PTPRM: variants seen among roughly 807,000 people sequenced by gnomAD.
The protein encoded by PTPRM is receptor-type tyrosine-protein phosphatase mu.
Under a neutral mutation model 186.7 loss-of-function variants are expected in PTPRM, and 47 were observed. That is an observed-to-expected ratio of 0.25 (90% CI 0.20 to 0.32). The LOEUF (loss-of-function observed/expected upper bound fraction) is 0.32. Ranked by LOEUF, PTPRM falls within the 10% of genes least tolerant of loss-of-function variation. The probability of loss-of-function intolerance (pLI) is 1.00; values close to 1 mark genes in which losing one functional copy is unlikely to be tolerated. For synonymous variants in PTPRM, 668 were observed against 674.9 expected (o/e 0.99, Z 0.16); for missense variants, 1,494 against 1,865.0 (o/e 0.80, Z 3.66).
At position 8,239,829 on chromosome 18, in the gene PTPRM, A is replaced by G. The variant is rs146621284; in HGVS notation, c.2301-4229A>G. ...CTAGAAACCACCAAGTCCTTTCTTTAAATTTTAATGATCTATTTATAGATA... is the reference window on the plus strand; with the variant it reads ...CTAGAAACCACCAAGTCCTTTCTTTGAATTTTAATGATCTATTTATAGATA... On this transcript the variant is annotated intron_variant, in intron 14 of 32. Coordinates refer to ENST00000580170, the MANE Select transcript of PTPRM (RefSeq NM_001105244.2). Among the ~76,000 whole-genome samples the G allele has an allele frequency of 8.0e-3, 1,220 of 152,336 alleles. 14 individuals carry two copies. The highest frequency in any genetic ancestry group is 0.028 in the African/African-American group (1,168 of 41,580).
chr18:7,625,326 C>T (rs893210021), intron 1 of PTPRM, among the ~76,000 whole-genome samples: 3 of 152,172 alleles, frequency 2.0e-5, no homozygotes, highest in African/African-American at 7.2e-5. Context: ...TTTCCCGACT[C>T]TTATCAAATT....
intron 7 of PTPRM, among the ~76,000 whole-genome samples, chr18:8,004,016 A>C (rs1182499555): frequency 6.6e-6 from 1 of 152,170 alleles, no homozygotes; most frequent in Non-Finnish European, 1.5e-5. Context: ...AGTGTTGACT[A>C]TGTGGAAATT....
chr18:7,750,815 G>A (rs1259402462), intron 1 of PTPRM, among the ~76,000 whole-genome samples: 2 of 152,012 alleles, frequency 1.3e-5, no homozygotes, highest in African/African-American at 4.8e-5. Flanking sequence ...CTCCCAATGC[G>A]GCTATGCATT....
chr18:7,866,520 G>A (rs987969320), intron 2 of PTPRM, among the ~76,000 whole-genome samples: 25 of 152,178 alleles, frequency 1.6e-4, no homozygotes, highest in Admixed American at 5.2e-4. Context: ...TTAATCCTAA[G>A]TTCTAATTTG....
rs1405566670 is a variant in PTPRM, at chr18:8,331,351, A to G, written c.2957-12072A>G. Among the ~76,000 whole-genome samples the G allele has an allele frequency of 3.9e-5, 6 of 152,200 alleles. No individual in the cohort carries two copies. The East Asian group carries it at 1.2e-3, about 29-fold the overall frequency. ...TAGATATCTCTTTGCTTTATGCAAC[A>G]TAGTCACAATCAGATCTCTTCAACT... is the stretch of plus-strand genomic sequence containing the variant. On this transcript the variant is annotated intron_variant, in intron 22 of 32. Coordinates refer to ENST00000580170, the MANE Select transcript of PTPRM (RefSeq NM_001105244.2).
At chr18:8,334,518 A>G (rs1398511713) in intron 22 of PTPRM, among the ~76,000 whole-genome samples, 1 of 152,180 alleles carries the variant, frequency 6.6e-6, no homozygotes, top group East Asian at 1.9e-4. Flanking sequence ...ACCTGCAGCC[A>G]CATTGCTGCT....
At chr18:8,071,904 G>T (rs2089501768) in intron 8 of PTPRM, among the ~76,000 whole-genome samples, 1 of 152,168 alleles carries the variant, frequency 6.6e-6, no homozygotes, top group Admixed American at 6.5e-5. Flanking sequence ...TCTGAGAAGT[G>T]AGAATAATAA....
chr18:8,105,866 G>A (rs908118158), intron 11 of PTPRM, among the ~76,000 whole-genome samples: 1 of 152,224 alleles, frequency 6.6e-6, no homozygotes, highest in Non-Finnish European at 1.5e-5. Flanking sequence ...TGGATATCCA[G>A]TGAAGTACTG....
chr18:8,311,906 G>A (rs1295511612), intron 20 of PTPRM, among the ~76,000 whole-genome samples: 1 of 152,118 alleles, frequency 6.6e-6, no homozygotes. Context: ...TAAATCACAG[G>A]GAATGAGCAG....
chr18:7,870,475 T>C (rs1159339988), intron 2 of PTPRM, among the ~76,000 whole-genome samples: 3 of 152,194 alleles, frequency 2.0e-5, no homozygotes, highest in African/African-American at 7.2e-5. Flanking sequence ...GTACAGGCTG[T>C]GAGTCAACTG....
intron 1 of PTPRM, among the ~76,000 whole-genome samples, chr18:7,584,628 C>T (rs2036930247): frequency 6.6e-6 from 1 of 151,892 alleles, no homozygotes; most frequent in South Asian, 2.1e-4. Context: ...TTCTGGGTAC[C>T]CCCACCCCAA....
At chr18:8,198,161 T>C (rs1221949296) in intron 14 of PTPRM, among the ~76,000 whole-genome samples, 1 of 152,194 alleles carries the variant, frequency 6.6e-6, no homozygotes, top group African/African-American at 2.4e-5. Flanking sequence ...TTTTCTTTGT[T>C]GTTAGACAGG....
At chr18:8,131,452 T>C (rs1362055366) in intron 13 of PTPRM, among the ~76,000 whole-genome samples, 1 of 152,208 alleles carries the variant, frequency 6.6e-6, no homozygotes, top group Admixed American at 6.5e-5. Flanking sequence ...GCTATTTTAT[T>C]TCAAGCAGTA....
chr18:8,380,189 C>T (rs2095723662), intron 28 of PTPRM, 107 bp from the exon 29 acceptor site: 2 of 1,199,382 alleles, frequency 1.7e-6, no homozygotes, highest in Admixed American at 2.0e-5. Flanking sequence ...AGCTGTTAAA[C>T]ATGTTCAGTG....
At chr18:7,912,087 G>T (rs528883301) in intron 4 of PTPRM, among the ~76,000 whole-genome samples, 1 of 151,948 alleles carries the variant, frequency 6.6e-6, no homozygotes, top group African/African-American at 2.4e-5. Context: ...CTTGACCTCA[G>T]GTGTTCTGCC....
At position 8,336,481 on chromosome 18, in the gene PTPRM, G is replaced by C. The variant is rs559336367; in HGVS notation, c.2957-6942G>C. On this transcript the variant is annotated intron_variant, in intron 22 of 32. Coordinates refer to ENST00000580170, the MANE Select transcript of PTPRM (RefSeq NM_001105244.2). ...GTGGGAGGATCACTTGAATCAAGGA[G>C]GTCAAGGCTACAGTGAGCCGTGATC... Among the ~76,000 whole-genome samples the C allele has an allele frequency of 3.3e-5, 5 of 152,020 alleles. No homozygotes were observed. The East Asian group carries it at 7.8e-4, about 24-fold the overall frequency.
intron 2 of PTPRM, among the ~76,000 whole-genome samples, chr18:7,830,292 T>C (rs559458257): frequency 1.3e-5 from 2 of 152,216 alleles, no homozygotes; most frequent in African/African-American, 4.8e-5. Flanking sequence ...CCCCCAGCCA[T>C]GTGACTGGTT....
chr18:8,215,769 A>C (rs901063996), intron 14 of PTPRM, among the ~76,000 whole-genome samples: 20 of 151,796 alleles, frequency 1.3e-4, no homozygotes, highest in Non-Finnish European at 2.5e-4. Flanking sequence ...GCTGGTCTTG[A>C]ACTCCTGGAC....
At chr18:7,661,512 A>G (rs1370195143) in intron 1 of PTPRM, among the ~76,000 whole-genome samples, 1 of 152,212 alleles carries the variant, frequency 6.6e-6, no homozygotes, top group Non-Finnish European at 1.5e-5. Flanking sequence ...AGAGGGAGAC[A>G]ACTGTCTCTT....
Sources: gnomAD v4.1 joint callset for allele counts (sites outside exome capture counted in the v4.1 genomes callset) on GRCh38, gnomAD v4.1.1 for gene constraint, MANE v1.5 for transcripts, NCBI Gene and HGNC (gene_info 2026-07-23, HGNC 2026-07-21) for gene names.